The following TANC2 variants were observed in gnomAD, a reference collection of about 807,000 sequenced individuals.
The protein encoded by TANC2 is protein TANC2.
A neutral mutation model predicts 210.5 loss-of-function variants in TANC2; 26 were observed. The ratio of observed to expected loss-of-function variants is 0.12; its 90% confidence interval spans 0.09 to 0.17. TANC2 has a LOEUF of 0.17. TANC2 is among the 10% of genes least tolerant of loss of function. The pLI is 1.00. For synonymous variants in TANC2, 931 were observed against 967.1 expected, an observed-to-expected ratio of 0.96 and a Z score of 0.69; for missense variants, 2,129 against 2,608.9, an observed-to-expected ratio of 0.82 and a Z score of 4.01.
At chr17:63,389,247 G>A in intron 16 of TANC2, 61 bp from the exon 17 acceptor site, 4 of 1,300,696 alleles carry the variant, frequency 3.1e-6, no homozygotes, top group Non-Finnish European at 4.3e-6. Flanking sequence ...TTTAATAAAA[G>A]ATGACTAAAA....
At chr17:63,264,029 A>G (rs1326443658) in intron 8 of TANC2, among the ~76,000 whole-genome samples, 2 of 152,168 alleles carry the variant, frequency 1.3e-5, no homozygotes, top group African/African-American at 2.4e-5. Context: ...TGGTCTAGGC[A>G]GTTTGGTTAG....
At chr17:63,379,180 T>G (rs1463845719) in intron 14 of TANC2, among the ~76,000 whole-genome samples, 1 of 152,096 alleles carries the variant, frequency 6.6e-6, no homozygotes, top group African/African-American at 2.4e-5. Context: ...GTGTGTGGGA[T>G]GGGTGTAAGC....
rs573734047 is a variant in TANC2, at chr17:63,405,028, T to C, written c.3332-94T>C. 9 of 1,326,170 alleles carry C rather than the reference T, an allele frequency of 6.8e-6. No individual in the cohort carries two copies. The African/African-American group carries it at 1.3e-4, about 19-fold the overall frequency. The allele number at this position is 1,326,170 out of a possible 1,614,324, so 82.2% of individuals were successfully genotyped here. A position where few individuals can be genotyped will look rare whatever the true frequency, so the allele number is the denominator to read the frequency against. ...TTATTCTTAGAAGTAAAGTAGCAAT[T>C]ACATTAATGAAACACAAGGATATGT... On this transcript the variant is annotated intron_variant, in intron 19 of 27. Transcript: ENST00000689528.
chr17:63,363,044 G>C (rs886186880), intron 14 of TANC2, among the ~76,000 whole-genome samples: 1 of 152,114 alleles, frequency 6.6e-6, no homozygotes, highest in Non-Finnish European at 1.5e-5. Context: ...TTAATTGCCT[G>C]TCTTTTGGAT....
chr17:63,164,391 A>G lies in TANC2; in HGVS notation c.433+13011A>G, dbSNP rs180707701. 1.4e-3 allele frequency among the ~76,000 whole-genome samples: 219 copies of G among 152,228 alleles called. 1 individual carries two copies. Among genetic ancestry groups the G allele is most frequent in the African/African-American group, 5.0e-3 (209 of 41,550 alleles). On this transcript the variant is annotated intron_variant, in intron 5 of 27. Transcript: ENST00000689528. ...GAAGTATATTACATATTTTTAGTCAATATACTTTTATATAAAAGCCAAAAC... is the reference window on the plus strand; with the variant it reads ...GAAGTATATTACATATTTTTAGTCAGTATACTTTTATATAAAAGCCAAAAC...
At chr17:63,183,793 G>T (rs1016290640) in intron 5 of TANC2, among the ~76,000 whole-genome samples, 2 of 152,134 alleles carry the variant, frequency 1.3e-5, no homozygotes, top group Non-Finnish European at 2.9e-5. Context: ...CGAGGTGGGC[G>T]GATCACGAGG....
At chr17:63,173,128 A>G (rs1367016037) in intron 5 of TANC2, among the ~76,000 whole-genome samples, 2 of 152,230 alleles carry the variant, frequency 1.3e-5, no homozygotes, top group South Asian at 2.1e-4. Flanking sequence ...ATAATTGTCT[A>G]TAAAACAAAG....
intron 2 of TANC2, among the ~76,000 whole-genome samples, chr17:63,069,452 T>C (rs1354234936): frequency 6.6e-6 from 1 of 152,188 alleles, no homozygotes; most frequent in Non-Finnish European, 1.5e-5. Flanking sequence ...TACAAAGTGC[T>C]GTCACATGTG....
chr17:63,262,221 C>G (rs1247072939), intron 8 of TANC2, among the ~76,000 whole-genome samples: 1 of 152,192 alleles, frequency 6.6e-6, no homozygotes, highest in African/African-American at 2.4e-5. Context: ...AAGAGTCTCA[C>G]TCTGTCGCCC....
chr17:63,251,662 A>C (rs2043056879), intron 8 of TANC2, among the ~76,000 whole-genome samples: 1 of 152,168 alleles, frequency 6.6e-6, no homozygotes, highest in Non-Finnish European at 1.5e-5. Context: ...ATAGTTCCCC[A>C]TTTACTGATT....
At chr17:63,269,062 C>G (rs1471586250) in intron 9 of TANC2, among the ~76,000 whole-genome samples, 2 of 152,134 alleles carry the variant, frequency 1.3e-5, no homozygotes, top group East Asian at 1.9e-4. Context: ...GTGCACAATT[C>G]CCATGGGAAG....
exon 28 of TANC2, chr17:63,425,686 G>A (rs2049126573): frequency 6.6e-6 from 1 of 152,272 alleles, no homozygotes; most frequent in Admixed American, 6.5e-5. Flanking sequence ...AGAGGTTCAG[G>A]AGAAGGCAAC....
chr17:62,989,644 AAAG>A (rs1175675097), intron 1 of TANC2, among the ~76,000 whole-genome samples: 1 of 152,144 alleles, frequency 6.6e-6, no homozygotes, highest in Non-Finnish European at 1.5e-5. Context: ...ACTGGCGACA[AAAG>A]AATTCTGTAA....
At chr17:62,967,186 G>A (rs1386778469) in intron 1 of TANC2, 1 of 152,188 alleles carries the variant, frequency 6.6e-6, no homozygotes, top group East Asian at 1.9e-4. Context: ...AGTGTTATTA[G>A]CGATATTAAT....
chr17:63,366,583 C>A (rs4968767), intron 14 of TANC2, among the ~76,000 whole-genome samples: 83,436 of 152,042 alleles, frequency 0.55, 24,267 homozygotes, highest in African/African-American at 0.72. Context: ...TCCTAGAGCT[C>A]GAGATGCATT....
intron 17 of TANC2, among the ~76,000 whole-genome samples, chr17:63,394,199 A>G (rs1329713757): frequency 6.6e-6 from 1 of 152,220 alleles, no homozygotes; most frequent in Non-Finnish European, 1.5e-5. Flanking sequence ...TATTTATTCA[A>G]GTATTTATTG....
At chr17:63,035,142 C>G (rs923632398) in intron 2 of TANC2, among the ~76,000 whole-genome samples, 1 of 152,174 alleles carries the variant, frequency 6.6e-6, no homozygotes, top group Non-Finnish European at 1.5e-5. Flanking sequence ...CCTTCAGAAA[C>G]TACCCCCCGA....
intron 1 of TANC2, among the ~76,000 whole-genome samples, chr17:62,973,252 G>A (rs1818423497): frequency 6.6e-6 from 1 of 152,120 alleles, no homozygotes; most frequent in East Asian, 1.9e-4. Flanking sequence ...GCCTGGTCTT[G>A]AACTTCTGAC....
At chr17:63,064,209 G>A (rs926166026) in intron 2 of TANC2, among the ~76,000 whole-genome samples, 6 of 152,076 alleles carry the variant, frequency 3.9e-5, no homozygotes, top group South Asian at 2.1e-4. Context: ...AATCCTAGCC[G>A]TTTGAGAGGC....
Sources: gnomAD v4.1 joint callset for allele counts (sites outside exome capture counted in the v4.1 genomes callset) on GRCh38, gnomAD v4.1.1 for gene constraint, MANE v1.5 for transcripts, NCBI Gene and HGNC (gene_info 2026-07-23, HGNC 2026-07-21) for gene names.